Variants in SPTB observed in about 807,000 individuals in gnomAD.
The protein encoded by SPTB is spectrin beta chain, erythrocytic.
A neutral mutation model predicts 256.2 loss-of-function variants in SPTB; 45 were observed. The observed-to-expected ratio is 0.18, with a 90% CI of 0.14 to 0.23. SPTB has a LOEUF of 0.23. Among genes scored for constraint, SPTB ranks in the 10% least tolerant of loss-of-function variants. SPTB has a pLI of 1.00. For missense variants in SPTB, 2,715 were observed against 3,040.4 expected (o/e 0.89, Z 2.52); for synonymous variants, 1,231 against 1,243.1 (o/e 0.99, Z 0.21).
chr14:64,769,417 G>A (rs1286747972), intron 28 of SPTB, among the ~76,000 whole-genome samples, 173 bp downstream of exon 28: 3 of 152,206 alleles, frequency 2.0e-5, no homozygotes, highest in African/African-American at 7.2e-5. Context: ...CAGGGAGTGC[G>A]CTTGCTGGGG....
At position 64,773,376 on chromosome 14, in the gene SPTB, C is replaced by T. The variant is rs760716096; in HGVS notation, c.5022G>A (p.Gly1674=). The T allele has an allele frequency of 1.2e-6, 2 of 1,614,234 alleles. No homozygotes were observed. Among genetic ancestry groups the T allele is most frequent in the East Asian group, 4.5e-5 (2 of 44,882 alleles). ...LQGQVDKHYA[G]LKDVAEERKR... ...TGCGCTCTTCCGCCACGTCCTTCAG[C>T]CCTGCGTAGTGCTTGTCCACTTGCC... The change falls in exon 25 of 36, where the codon GGG becomes GGA. Residue 1674 remains glycine, a synonymous_variant. Coordinates refer to ENST00000644917, the MANE Select transcript of SPTB (RefSeq NM_001355436.2).
chr14:64,770,676 CTCTGGAGCGATTGG>C (rs796776836), intron 27 of SPTB, among the ~76,000 whole-genome samples, 195 bp downstream of exon 27: 9 of 152,374 alleles, frequency 5.9e-5, no homozygotes, highest in African/African-American at 2.2e-4. Context: ...ACTCTCCTGA[CTCTGGAGCGATTGG>C]TCCTCCCAGT....
chr14:64,869,308 C>T (rs571339901), intron 1 of SPTB, among the ~76,000 whole-genome samples: 97 of 152,270 alleles, frequency 6.4e-4, no homozygotes, highest in Non-Finnish European at 1.1e-3. Flanking sequence ...CATAACAATG[C>T]CTTGTATCCA....
rs747039792 is a variant in SPTB at position 64,779,833 on chromosome 14, G to A, written c.4365C>T (p.Ser1455=). 1.2e-6 allele frequency: 2 copies of A among 1,614,096 alleles called. No individual in the cohort carries two copies. The highest frequency in any genetic ancestry group is 1.7e-6 in the Non-Finnish European group (2 of 1,180,022). The change falls in exon 21 of 36, where the codon AGC becomes AGT. Residue 1455 remains serine (S), a synonymous_variant. Transcript: ENST00000644917. This position sits in a 1 kb window ranked among gnomAD's most constrained non-coding sequence, Gnocchi z 4.2. ...MGEEGGDADL[S]IEKRFLDLLE... Reference sequence around the variant, plus strand: ...GGAGGTCCAGGAACCGCTTCTCGATGCTCAAGTCTGCATCTCCTCCCTCCT... The same window carrying A: ...GGAGGTCCAGGAACCGCTTCTCGATACTCAAGTCTGCATCTCCTCCCTCCT...
At chr14:64,879,599 C>A (rs1043451473) in intron 1 of SPTB, among the ~76,000 whole-genome samples, 193 bp downstream of exon 1, 50 of 152,342 alleles carry the variant, frequency 3.3e-4, no homozygotes, top group East Asian at 7.7e-4. Context: ...TTTGCCGCAG[C>A]TGCCGGGCTT....
At position 64,805,039 on chromosome 14, in the gene SPTB, T is replaced by G. The variant is rs1594796304; in HGVS notation, c.200A>C (p.His67Pro). The change falls in exon 3 of 36, where the codon CAC (histidine) becomes CCC (proline). Residue 67 changes from histidine to proline, a missense_variant. Coordinates refer to ENST00000644917, the MANE Select transcript of SPTB (RefSeq NM_001355436.2). ...GATGCGGCAGGACACTCGAGCCAGG[T>G]GCGAGTTCACCCATTTCGTGAAGGT... ...KKTFTKWVNSHLARVSCRITD... is the reference protein window; with the variant it reads ...KKTFTKWVNSPLARVSCRITD... The G allele has an allele frequency of 6.2e-7, 1 of 1,614,084 alleles. No individual in the cohort carries two copies. Among genetic ancestry groups the G allele is most frequent in the Non-Finnish European group, 8.5e-7 (1 of 1,180,030 alleles).
At chr14:64,750,218 A>G in intron 33 of SPTB, 64 bp from the exon 34 acceptor site, 1 of 1,533,806 alleles carries the variant, frequency 6.5e-7, no homozygotes, top group Non-Finnish European at 8.9e-7. Context: ...GTCAATTCCT[A>G]TAGCTTCACC....
At chr14:64,803,908 G>T in intron 3 of SPTB, 128 bp from the exon 4 acceptor site, 1 of 942,774 alleles carries the variant, frequency 1.1e-6, no homozygotes, top group Non-Finnish European at 1.6e-6. Flanking sequence ...AAGTCCCATG[G>T]TCATTCATTG....
intron 33 of SPTB, chr14:64,752,198 C>G (rs968017465): frequency 7.4e-7 from 1 of 1,347,116 alleles, no homozygotes; most frequent in African/African-American, 1.5e-5. Flanking sequence ...CTAGCCCGAG[C>G]CGCTTCACTC....
Position 64,841,799 on chromosome 14 carries a change from T to G in SPTB, c.-51-18654A>C, listed in dbSNP as rs1315955346. 6.6e-6 allele frequency among the ~76,000 whole-genome samples: 1 copy of G among 152,122 alleles called. No homozygotes were observed. The highest frequency in any genetic ancestry group is 1.5e-5 in the Non-Finnish European group (1 of 68,028). ...TTAACACAGCACACATTTACCTATT[T>G]GCAAAAGAAGGGAAACCCCCGCGTA... On this transcript the variant is annotated intron_variant, in intron 1 of 35. Coordinates refer to ENST00000644917, the MANE Select transcript of SPTB (RefSeq NM_001355436.2). This position sits in a 1 kb window ranked among gnomAD's most constrained non-coding sequence, Gnocchi z 4.6.
rs908542130 is a variant in SPTB, at chr14:64,790,778, C to A, written c.2804+941G>T. ...TGTGGCATTGCATGTGCAGGGCCCA[C>A]GGTAAAGACAGGGAATGCAGGCATT... On this transcript the variant is annotated intron_variant, in intron 15 of 35. Transcript: ENST00000644917. The surrounding 1 kb of genome is among the most constrained non-coding windows in gnomAD (Gnocchi z 4.8). Among the ~76,000 whole-genome samples, 2 of 152,164 alleles carry A rather than the reference C, an allele frequency of 1.3e-5. No homozygotes were observed. The highest frequency in any genetic ancestry group is 4.8e-5 in the African/African-American group (2 of 41,436).
rs2082978246 is a variant in SPTB at position 64,806,122 on chromosome 14, G to T, written c.149-1032C>A. Among the ~76,000 whole-genome samples, 1 of 145,100 alleles carries T rather than the reference G, an allele frequency of 6.9e-6. No homozygotes were observed. Among genetic ancestry groups the T allele is most frequent in the African/African-American group, 2.7e-5 (1 of 36,440 alleles). ...ATGCTGGAGAGAGGACAGAAGACTG[G>T]GATGGCACAAAAAAAAGAGAGAGAA... On this transcript the variant is annotated intron_variant, in intron 2 of 35. Coordinates refer to ENST00000644917, the MANE Select transcript of SPTB (RefSeq NM_001355436.2). This position sits in a 1 kb window ranked among gnomAD's most constrained non-coding sequence, Gnocchi z 4.1.
In SPTB at chr14:64,772,630, G is replaced by T; in HGVS notation, c.5503C>A (p.His1835Asn). ...CGCTCGAAGGCTGTGTGCACCCGGT[G>T]GAAGGACTCGGCCGTGCTGGCGTCC... ...GLDASTAESF[H>N]RVHTAFEREL... Residue 1835 changes from histidine (H) to asparagine (N), a missense_variant, in exon 26 of 36, where the codon CAC becomes AAC. His to Asn is a moderately conservative substitution (Grantham distance 68). Coordinates refer to ENST00000644917, the MANE Select transcript of SPTB (RefSeq NM_001355436.2). This position sits in a 1 kb window ranked among gnomAD's most constrained non-coding sequence, Gnocchi z 5.4. The T allele has an allele frequency of 6.2e-7, 1 of 1,612,732 alleles. No individual in the cohort carries two copies.
At position 64,790,138 on chromosome 14, in the gene SPTB, GGAGT is replaced by G. The variant is rs2082645980; in HGVS notation, c.2804+1577_2804+1580del. On this transcript the variant is annotated intron_variant, in intron 15 of 35. Transcript: ENST00000644917. This position sits in a 1 kb window ranked among gnomAD's most constrained non-coding sequence, Gnocchi z 4.8. ...AAAATGAGATAGGCTGCCGGGTGAG[GGAGT>G]GAGTTCCCCATCACTGGCTAGACTG... is the stretch of plus-strand genomic sequence containing the variant. Among the ~76,000 whole-genome samples the G allele has an allele frequency of 6.6e-6, 1 of 152,140 alleles. No homozygotes were observed. Among genetic ancestry groups the G allele is most frequent in the South Asian group, 2.1e-4 (1 of 4,816 alleles).
Position 64,785,592 on chromosome 14 carries a change from G to C in SPTB, c.3800C>G (p.Ser1267Cys), listed in dbSNP as rs757483034. Residue 1267 changes from serine to cysteine, a missense_variant, in exon 18 of 36, where the codon TCT (serine) becomes TGT (cysteine). By Grantham distance (112) the Ser-to-Cys change is moderately radical (BLOSUM62 -1). Around this residue, in one of 4 missense-constraint regions of SPTB, gnomAD observed 2,239 missense variants for 2,384.4 expected, o/e 0.94. Coordinates refer to ENST00000644917, the MANE Select transcript of SPTB (RefSeq NM_001355436.2). This position sits in a 1 kb window ranked among gnomAD's most constrained non-coding sequence, Gnocchi z 4.4. ...RKNNEKAQEA[S>C]VLLRDNLELQ... Reference sequence around the variant, plus strand: ...CTCCAGGTTGTCTCTCAGTAGGACAGAGGCCTCCTGGGCCTTCTCGTTGTT... The same window carrying C: ...CTCCAGGTTGTCTCTCAGTAGGACACAGGCCTCCTGGGCCTTCTCGTTGTT... 1 of 1,614,134 alleles carries C rather than the reference G, an allele frequency of 6.2e-7. No homozygotes were observed. The highest frequency in any genetic ancestry group is 1.7e-5 in the Admixed American group (1 of 60,022).
chr14:64,793,530 G>C lies in SPTB; in HGVS notation c.2133C>G (p.His711Gln), dbSNP rs751493156. ...CCTTTATGCGGGCCTCGATCTGCGG[G>C]TGCCCAAACTGCTTGCGCGCAACCA... ...HGMVARKQFGHPQIEARIKEV... is the reference protein window; with the variant it reads ...HGMVARKQFGQPQIEARIKEV... The change falls in exon 14 of 36, where the codon CAC (histidine) becomes CAG (glutamine). Residue 711 changes from histidine to glutamine, a missense_variant. His to Gln is a conservative substitution (Grantham distance 24). Around this residue, in one of 4 missense-constraint regions of SPTB, gnomAD observed 2,239 missense variants for 2,384.4 expected, o/e 0.94. Coordinates refer to ENST00000644917, the MANE Select transcript of SPTB (RefSeq NM_001355436.2). This position sits in a 1 kb window ranked among gnomAD's most constrained non-coding sequence, Gnocchi z 7.0. 1 of 1,614,154 alleles carries C rather than the reference G, an allele frequency of 6.2e-7. No homozygotes were observed. The highest frequency in any genetic ancestry group is 8.5e-7 in the Non-Finnish European group (1 of 1,180,040).
chr14:64,749,003 A>C lies in SPTB; in HGVS notation c.*303T>G. 1 of 222,056 alleles carries C rather than the reference A, an allele frequency of 4.5e-6. No homozygotes were observed. The highest frequency in any genetic ancestry group is 8.1e-6 in the Non-Finnish European group (1 of 123,116). The allele number at this position is 222,056 out of a possible 1,614,324, so 13.8% of individuals were successfully genotyped here. On this transcript the variant is annotated 3_prime_UTR_variant, in exon 36 of 36. Transcript: ENST00000644917. This position sits in a 1 kb window ranked among gnomAD's most constrained non-coding sequence, Gnocchi z 4.7. ...CCCCTCGGCTCAGGAGGAGGGTGGG[A>C]GAGGAGGGCGTGTGCCTCAGAGAAC... is the stretch of plus-strand genomic sequence containing the variant.
chr14:64,767,893 A>T (rs2082215815), intron 29 of SPTB, 34 bp from the exon 30 acceptor site: 1 of 1,610,102 alleles, frequency 6.2e-7, no homozygotes, highest in Admixed American at 1.7e-5. Context: ...ACCCCCCACA[A>T]GGCCCAGGGC....
intron 28 of SPTB, 99 bp from the exon 29 acceptor site, chr14:64,769,217 T>C (rs2082240431): frequency 8.4e-7 from 1 of 1,190,276 alleles, no homozygotes; most frequent in Admixed American, 1.7e-5. Context: ...GGTTTGGTCC[T>C]ACAGCCCTGG....
Sources: gnomAD v4.1 joint callset for allele counts (sites outside exome capture counted in the v4.1 genomes callset) on GRCh38, gnomAD v4.1.1 for gene constraint, gnomAD v4.1.1 regional missense constraint, Gnocchi (gnomAD v3.1) non-coding constraint, MANE v1.5 for transcripts, NCBI Gene and HGNC (gene_info 2026-07-23, HGNC 2026-07-21) for gene names.